Variants in EYS observed in about 807,000 individuals in gnomAD.
EYS encodes the protein EGF-like photoreceptor maintenance factor.
EYS carries 250 observed loss-of-function variants against 282.1 expected under a neutral mutation model. The ratio of observed to expected loss-of-function variants is 0.89; its 90% CI spans 0.80 to 0.98. EYS has a LOEUF of 0.98. Ranked by LOEUF, EYS falls within the 50% of genes least tolerant of loss-of-function variation. The pLI, the probability that EYS is intolerant of heterozygous loss-of-function variation, is 0.00. For synonymous variants in EYS, 1,355 were observed against 1,282.9 expected, an observed-to-expected ratio of 1.06 and a Z score of -1.20; for missense variants, 4,016 against 3,709.0, an observed-to-expected ratio of 1.08 and a Z score of -2.15.
chr6:63,906,485 A>G (rs926114676), intron 35 of EYS, among the ~76,000 whole-genome samples: 4 of 152,140 alleles, frequency 2.6e-5, no homozygotes, highest in African/African-American at 7.2e-5. Context: ...TATAATCTTC[A>G]TGTTTATTCA....
intron 24 of EYS, among the ~76,000 whole-genome samples, chr6:64,608,969 G>T (rs1767021196): frequency 6.6e-6 from 1 of 152,142 alleles, no homozygotes. Context: ...TATCTATAAT[G>T]GTGGTTACAT....
At chr6:63,971,785 T>A (rs1320395327) in intron 35 of EYS, among the ~76,000 whole-genome samples, 1 of 152,216 alleles carries the variant, frequency 6.6e-6, no homozygotes, top group African/African-American at 2.4e-5. Context: ...CTCAAGTATT[T>A]TAGGCATGAT....
At chr6:65,515,441 G>T (rs1214020729) in intron 2 of EYS, among the ~76,000 whole-genome samples, 2 of 151,892 alleles carry the variant, frequency 1.3e-5, no homozygotes, top group Non-Finnish European at 2.9e-5. Context: ...CCATTACTGG[G>T]TATATACCCA....
At chr6:65,684,232 G>A (rs946869908) in intron 1 of EYS, among the ~76,000 whole-genome samples, 1 of 152,032 alleles carries the variant, frequency 6.6e-6, no homozygotes, top group Non-Finnish European at 1.5e-5. Flanking sequence ...ACAGAAGGGT[G>A]CGAGACACAG....
intron 21 of EYS, among the ~76,000 whole-genome samples, chr6:64,814,073 A>G (rs1010252114): frequency 2.0e-5 from 3 of 152,046 alleles, no homozygotes; most frequent in African/African-American, 7.2e-5. Context: ...TCCATGTAAA[A>G]TAGCTAAAAC....
chr6:64,143,222 T>C (rs1774396850), intron 31 of EYS, among the ~76,000 whole-genome samples: 1 of 152,110 alleles, frequency 6.6e-6, no homozygotes, highest in African/African-American at 2.4e-5. Flanking sequence ...GAAACTACTC[T>C]ATATGATACT....
At chr6:64,264,429 C>G (rs940373737) in intron 30 of EYS, among the ~76,000 whole-genome samples, 1 of 152,102 alleles carries the variant, frequency 6.6e-6, no homozygotes, top group African/African-American at 2.4e-5. Context: ...TTATCTCTGT[C>G]CTGCAGGCTA....
At chr6:65,181,983 T>C (rs2150234032) in intron 12 of EYS, among the ~76,000 whole-genome samples, 1 of 151,864 alleles carries the variant, frequency 6.6e-6, no homozygotes, top group African/African-American at 2.4e-5. Context: ...CCACATGTTC[T>C]CACTCATAGG....
chr6:65,383,317 T>C (rs1765685209), intron 8 of EYS, among the ~76,000 whole-genome samples: 1 of 151,974 alleles, frequency 6.6e-6, no homozygotes. Flanking sequence ...GAGACAATTA[T>C]AATCATACTT....
intron 7 of EYS, among the ~76,000 whole-genome samples, chr6:65,397,657 T>C (rs1394814427): frequency 2.7e-5 from 4 of 150,536 alleles, no homozygotes; most frequent in South Asian, 2.1e-4. Flanking sequence ...CAGTCATCCA[T>C]TGATGGACAC....
intron 35 of EYS, among the ~76,000 whole-genome samples, chr6:63,949,299 C>G (rs1379784932): frequency 1.3e-5 from 2 of 152,184 alleles, no homozygotes; most frequent in Non-Finnish European, 2.9e-5. Context: ...AACACTTACA[C>G]TATCCTACAA....
intron 22 of EYS, among the ~76,000 whole-genome samples, chr6:64,773,729 A>T (rs1773594459): frequency 6.6e-6 from 1 of 151,928 alleles, no homozygotes; most frequent in Non-Finnish European, 1.5e-5. Context: ...ATGATTAGAG[A>T]TGTTGAGTAT....
chr6:64,722,581 G>T lies in EYS; in HGVS notation c.3443+90797C>A, dbSNP rs1438115245. Reference sequence around the variant, plus strand: ...TCAAAATGGTCATTTGAACAATACAGGGCTAGATTTAAATGCTATTATACT... The same window carrying T: ...TCAAAATGGTCATTTGAACAATACATGGCTAGATTTAAATGCTATTATACT... On this transcript the variant is annotated intron_variant, in intron 22 of 42. Coordinates refer to ENST00000503581, the MANE Select transcript of EYS (RefSeq NM_001142800.2). Among the ~76,000 whole-genome samples the T allele has an allele frequency of 5.4e-5, 8 of 149,504 alleles. No individual in the cohort carries two copies. The South Asian group carries it at 1.3e-3, about 24-fold the overall frequency.
At chr6:64,256,848 T>A (rs1278136437) in intron 30 of EYS, among the ~76,000 whole-genome samples, 1 of 152,054 alleles carries the variant, frequency 6.6e-6, no homozygotes, top group African/African-American at 2.4e-5. Context: ...GAGATCAAGA[T>A]AATGAGAGCT....
At chr6:64,562,030 A>T (rs1223743727) in intron 26 of EYS, among the ~76,000 whole-genome samples, 1 of 151,890 alleles carries the variant, frequency 6.6e-6, no homozygotes, top group Non-Finnish European at 1.5e-5. Context: ...ACAGCATGGT[A>T]CTAGTGCAAA....
chr6:65,085,571 T>A (rs2150174062), intron 12 of EYS, among the ~76,000 whole-genome samples: 1 of 152,204 alleles, frequency 6.6e-6, no homozygotes, highest in East Asian at 1.9e-4. Context: ...AGTATAAAAA[T>A]TAAATAGGAT....
At chr6:65,604,734 A>G (rs938438952) in intron 2 of EYS, among the ~76,000 whole-genome samples, 1 of 152,006 alleles carries the variant, frequency 6.6e-6, no homozygotes, top group African/African-American at 2.4e-5. Context: ...GGATAGGATG[A>G]AGGAAATATG....
intron 28 of EYS, among the ~76,000 whole-genome samples, chr6:64,397,929 A>G (rs1353183351): frequency 6.6e-6 from 1 of 151,884 alleles, no homozygotes; most frequent in African/African-American, 2.4e-5. Context: ...TCTGTTCAAA[A>G]TATTTTCTAA....
chr6:63,980,857 T>C (rs1767056067), intron 35 of EYS, among the ~76,000 whole-genome samples: 1 of 151,868 alleles, frequency 6.6e-6, no homozygotes, highest in African/African-American at 2.4e-5. Flanking sequence ...AAATCCACTT[T>C]ATGATATGGC....
Sources: gnomAD v4.1 joint callset for allele counts (sites outside exome capture counted in the v4.1 genomes callset) on GRCh38, gnomAD v4.1.1 for gene constraint, MANE v1.5 for transcripts, NCBI Gene and HGNC (gene_info 2026-07-23, HGNC 2026-07-21) for gene names.